Variants in SLC9A2 observed in about 807,000 individuals in gnomAD.
SLC9A2 encodes the protein sodium/hydrogen exchanger 2.
SLC9A2 carries 42 observed loss-of-function variants against 71.7 expected under a neutral mutation model. The ratio of observed to expected loss-of-function variants is 0.59; its 90% CI spans 0.46 to 0.76. SLC9A2 has a LOEUF of 0.76. Among genes scored for constraint, SLC9A2 ranks in the 30% least tolerant of loss-of-function variants. The pLI is 0.00. For missense variants in SLC9A2, 829 were observed against 1,017.4 expected (o/e 0.81, Z 2.52); for synonymous variants, 396 against 392.5 (o/e 1.01, Z -0.10).
rs115580008 is a variant in SLC9A2 at position 102,623,819 on chromosome 2, T to G, written c.289+3682T>G. On this transcript the variant is annotated intron_variant, in intron 1 of 11. Coordinates refer to ENST00000233969, the MANE Select transcript of SLC9A2 (RefSeq NM_003048.6). ...TGCTAGTGATTAATCTAAACGTGGT[T>G]AAATTAACAGGCTGTCCAAAGTGGA... is the stretch of plus-strand genomic sequence containing the variant. Among the ~76,000 whole-genome samples the G allele has an allele frequency of 2.0e-3, 306 of 152,306 alleles. 1 individual carries two copies. Among genetic ancestry groups the G allele is most frequent in the African/African-American group, 6.8e-3 (283 of 41,556 alleles).
At chr2:102,627,251 T>C (rs973960164) in intron 1 of SLC9A2, among the ~76,000 whole-genome samples, 2 of 152,098 alleles carry the variant, frequency 1.3e-5, no homozygotes, top group Admixed American at 1.3e-4. Context: ...AGTTCAAAGT[T>C]ACAGTGATCT....
intron 1 of SLC9A2, among the ~76,000 whole-genome samples, chr2:102,644,179 G>A (rs1361593907): frequency 6.6e-6 from 1 of 151,958 alleles, no homozygotes; most frequent in Non-Finnish European, 1.5e-5. Flanking sequence ...GCCCATGGAA[G>A]GCAAGCAGAA....
At chr2:102,623,670 A>G (rs1409850204) in intron 1 of SLC9A2, among the ~76,000 whole-genome samples, 1 of 152,192 alleles carries the variant, frequency 6.6e-6, no homozygotes, top group African/African-American at 2.4e-5. Context: ...GCAGGTGGAT[A>G]TGATACTGTG....
At chr2:102,700,292 T>C (rs1183224632) in intron 7 of SLC9A2, among the ~76,000 whole-genome samples, 1 of 151,662 alleles carries the variant, frequency 6.6e-6, no homozygotes. Context: ...AATCTGGGGG[T>C]CATTGGCATA....
intron 1 of SLC9A2, among the ~76,000 whole-genome samples, chr2:102,649,728 A>G (rs918086806): frequency 6.6e-6 from 1 of 152,248 alleles, no homozygotes; most frequent in East Asian, 1.9e-4. Flanking sequence ...AAAGCTCATC[A>G]TCACTAGTCA....
intron 1 of SLC9A2, among the ~76,000 whole-genome samples, chr2:102,625,298 T>A (rs1384680147): frequency 6.6e-6 from 1 of 152,204 alleles, no homozygotes; most frequent in African/African-American, 2.4e-5. Flanking sequence ...AGTGTTTTTG[T>A]ACCCTTTAAA....
chr2:102,632,968 A>AGACCC (rs1160992226), intron 1 of SLC9A2, among the ~76,000 whole-genome samples: 3 of 152,146 alleles, frequency 2.0e-5, no homozygotes, highest in Non-Finnish European at 4.4e-5. Flanking sequence ...TGTTTCCTGG[A>AGACCC]GACCCACTGG....
At chr2:102,698,388 C>T (rs1039007348) in intron 7 of SLC9A2, among the ~76,000 whole-genome samples, 5 of 152,202 alleles carry the variant, frequency 3.3e-5, no homozygotes, top group South Asian at 2.1e-4. Flanking sequence ...GTGGTGATCA[C>T]GTAGTACACT....
In SLC9A2 at chr2:102,702,509, A is replaced by T. The variant is rs2104554840; in HGVS notation, c.1845+7A>T. The T allele has an allele frequency of 5.3e-6, 8 of 1,502,878 alleles. No individual in the cohort carries two copies. In the East Asian group the frequency reaches 1.6e-4, roughly 30 times the overall value. 93.1% of individuals were successfully genotyped at this position (1,502,878 alleles called of 1,614,324 possible). A position where few individuals can be genotyped will look rare whatever the true frequency, so the allele number is the denominator to read the frequency against. The stretch of plus-strand genomic sequence containing the variant: ...CTATCAAATCCGTCAGCGAGTAAGA[A>T]TAATTTATGTAGCAAAATATTTACT... On this transcript the variant is annotated splice_region_variant and intron_variant, in intron 9 of 11. Coordinates refer to ENST00000233969, the MANE Select transcript of SLC9A2 (RefSeq NM_003048.6).
At chr2:102,663,171 T>C (rs201235095) in intron 2 of SLC9A2, among the ~76,000 whole-genome samples, 2 of 152,314 alleles carry the variant, frequency 1.3e-5, no homozygotes, top group East Asian at 3.9e-4. Flanking sequence ...CATTTTCTTC[T>C]CTGTCTGGCA....
intron 1 of SLC9A2, among the ~76,000 whole-genome samples, chr2:102,638,932 C>T (rs935993962): frequency 2.6e-5 from 4 of 152,288 alleles, no homozygotes; most frequent in South Asian, 2.1e-4. Context: ...GCCCATAATC[C>T]CAACATTTTG....
chr2:102,701,238 A>G lies in SLC9A2; in HGVS notation c.1748+7A>G, dbSNP rs766103322. The G allele has an allele frequency of 4.4e-6, 7 of 1,580,372 alleles. No individual in the cohort carries two copies. The highest frequency in any genetic ancestry group is 1.8e-4 in the Middle Eastern group (1 of 5,412). On this transcript the variant is annotated splice_region_variant and intron_variant, in intron 8 of 11. Coordinates refer to ENST00000233969, the MANE Select transcript of SLC9A2 (RefSeq NM_003048.6). Reference sequence around the variant, plus strand: ...CTACATTTGCATCTCTAAAGTAAGTATGGTCTTGCAAATAAAAGTTAGTAT... The same window carrying G: ...CTACATTTGCATCTCTAAAGTAAGTGTGGTCTTGCAAATAAAAGTTAGTAT...
intron 3 of SLC9A2, among the ~76,000 whole-genome samples, chr2:102,678,088 G>T (rs1441598024): frequency 6.6e-6 from 1 of 152,160 alleles, no homozygotes; most frequent in Admixed American, 6.5e-5. Flanking sequence ...GTCACCCTTT[G>T]CTTTCCTGCA....
chr2:102,667,851 A>G (rs761249429), intron 3 of SLC9A2, among the ~76,000 whole-genome samples: 6 of 152,036 alleles, frequency 3.9e-5, no homozygotes, highest in South Asian at 2.1e-4. Context: ...GGGTGGATCA[A>G]TCGAGGTCAG....
At position 102,636,411 on chromosome 2, in the gene SLC9A2, T is replaced by A. The variant is rs1405413186; in HGVS notation, c.289+16274T>A. Among the ~76,000 whole-genome samples the A allele has an allele frequency of 2.0e-5, 3 of 152,182 alleles. No homozygotes were observed. In the South Asian group the frequency reaches 6.2e-4, roughly 32 times the overall value. On this transcript the variant is annotated intron_variant, in intron 1 of 11. Transcript: ENST00000233969. ...GCAACCACTTAATTGAAAAATGAAA[T>A]CAGGTAGCAATTACTGGCAATTGTG...
chr2:102,645,034 C>T (rs754244149), intron 1 of SLC9A2, among the ~76,000 whole-genome samples: 1 of 152,174 alleles, frequency 6.6e-6, no homozygotes, highest in East Asian at 1.9e-4. Flanking sequence ...TCGACAGACA[C>T]CTCATACAGG....
In SLC9A2 at chr2:102,653,802, G is replaced by A. The variant is rs183191581; in HGVS notation, c.290-3762G>A. On this transcript the variant is annotated intron_variant, in intron 1 of 11. Coordinates refer to ENST00000233969, the MANE Select transcript of SLC9A2 (RefSeq NM_003048.6). ...CATCCATTTTCCTGTTTGTCTCCATGGATCCTATGGCTTCTGTGCATTTCT... is the reference window on the plus strand; with the variant it reads ...CATCCATTTTCCTGTTTGTCTCCATAGATCCTATGGCTTCTGTGCATTTCT... Among the ~76,000 whole-genome samples the A allele has an allele frequency of 1.1e-4, 17 of 152,262 alleles. No homozygotes were observed. In the East Asian group the frequency reaches 3.1e-3, roughly 28 times the overall value.
Position 102,620,188 on chromosome 2 carries a change from A to C in SLC9A2, c.289+51A>C, listed in dbSNP as rs1209081335. On this transcript the variant is annotated intron_variant, in intron 1 of 11. Coordinates refer to ENST00000233969, the MANE Select transcript of SLC9A2 (RefSeq NM_003048.6). ...TGGGAGGGGGCGATCTCGGGGGGAC[A>C]CCTGGAGGGTGACCGGGTCAGCCAG... 2.0e-6 allele frequency: 3 copies of C among 1,516,504 alleles called. No individual in the cohort carries two copies. In the African/African-American group the frequency reaches 4.1e-5, roughly 21 times the overall value. The allele number at this position is 1,516,504 out of a possible 1,614,324, so 93.9% of individuals were successfully genotyped here.
At chr2:102,685,261 T>G (rs1573427000) in intron 5 of SLC9A2, among the ~76,000 whole-genome samples, 1 of 151,960 alleles carries the variant, frequency 6.6e-6, no homozygotes, top group Non-Finnish European at 1.5e-5. Flanking sequence ...GTGGCTGGAG[T>G]GGCACAGAGT....
Sources: gnomAD v4.1 joint callset for allele counts (sites outside exome capture counted in the v4.1 genomes callset) on GRCh38, gnomAD v4.1.1 for gene constraint, MANE v1.5 for transcripts, NCBI Gene and HGNC (gene_info 2026-07-23, HGNC 2026-07-21) for gene names.